MECOM: variants seen among roughly 807,000 people sequenced by gnomAD.
MECOM encodes the protein histone-lysine N-methyltransferase MECOM.
Under a neutral mutation model 116.3 loss-of-function variants are expected in MECOM, and 13 were observed. The observed-to-expected ratio is 0.11, with a 90% confidence interval of 0.07 to 0.18. The LOEUF (loss-of-function observed/expected upper bound fraction) is 0.18. Among genes scored for constraint, MECOM ranks in the 10% least tolerant of loss-of-function variants. MECOM has a pLI of 1.00. For missense variants in MECOM, 1,299 were observed against 1,509.0 expected (o/e 0.86, Z 2.31); for synonymous variants, 528 against 535.2 (o/e 0.99, Z 0.19).
chr3:169,452,272 C>T (rs1745741200), intron 1 of MECOM, among the ~76,000 whole-genome samples: 1 of 152,016 alleles, frequency 6.6e-6, no homozygotes, highest in South Asian at 2.1e-4. Context: ...TTAGGAAACA[C>T]ACGCCTTTCC....
At chr3:169,368,121 A>G (rs576403774) in intron 2 of MECOM, among the ~76,000 whole-genome samples, 3 of 152,180 alleles carry the variant, frequency 2.0e-5, no homozygotes, top group Non-Finnish European at 4.4e-5. Context: ...ATGATAGTTG[A>G]CCAATTCTTG....
chr3:169,543,555 C>T (rs1232258886), intron 1 of MECOM, among the ~76,000 whole-genome samples: 1 of 152,136 alleles, frequency 6.6e-6, no homozygotes, highest in Admixed American at 6.5e-5. Flanking sequence ...CTCTGGGTGA[C>T]AGAGCAAGAC....
At chr3:169,358,250 T>C (rs568344574) in intron 2 of MECOM, among the ~76,000 whole-genome samples, 2 of 151,876 alleles carry the variant, frequency 1.3e-5, no homozygotes, top group South Asian at 2.1e-4. Context: ...GTCAGCTGTT[T>C]ATTATTTTTA....
intron 1 of MECOM, among the ~76,000 whole-genome samples, chr3:169,387,055 T>C (rs1733454271): frequency 6.6e-6 from 1 of 152,208 alleles, no homozygotes; most frequent in African/African-American, 2.4e-5. Context: ...AATTTCCTAG[T>C]AGACAATTTG....
At chr3:169,247,123 T>C (rs1043464883) in intron 2 of MECOM, among the ~76,000 whole-genome samples, 1 of 152,132 alleles carries the variant, frequency 6.6e-6, no homozygotes, top group Non-Finnish European at 1.5e-5. Context: ...TTAAACCTTC[T>C]GTGTTGCAAA....
intron 1 of MECOM, among the ~76,000 whole-genome samples, chr3:169,531,647 C>T (rs929295715): frequency 6.6e-6 from 1 of 152,200 alleles, no homozygotes; most frequent in Non-Finnish European, 1.5e-5. Context: ...TGCCACCTCT[C>T]ATTTTCTGCT....
chr3:169,392,708 A>C (rs1203254928), intron 1 of MECOM, among the ~76,000 whole-genome samples: 4 of 152,198 alleles, frequency 2.6e-5, no homozygotes, highest in Non-Finnish European at 5.9e-5. Context: ...GTTGAGTATA[A>C]GTAATTCTGC....
intron 2 of MECOM, among the ~76,000 whole-genome samples, chr3:169,237,946 G>A (rs897137170): frequency 4.6e-5 from 7 of 152,014 alleles, no homozygotes; most frequent in African/African-American, 1.7e-4. Flanking sequence ...GGAAGTCCAG[G>A]CAGGTGGATC....
chr3:169,310,216 A>T (rs1188768452), intron 2 of MECOM, among the ~76,000 whole-genome samples: 1 of 152,154 alleles, frequency 6.6e-6, no homozygotes, highest in East Asian at 1.9e-4. Context: ...TTCACATTTC[A>T]CATATTCGTA....
chr3:169,150,016 C>T (rs924625040), intron 2 of MECOM, among the ~76,000 whole-genome samples: 1 of 151,120 alleles, frequency 6.6e-6, no homozygotes, highest in African/African-American at 2.4e-5. Context: ...TCCCTCCCCT[C>T]TCCCCCACCC....
At chr3:169,589,913 G>A (rs915598734) in intron 1 of MECOM, among the ~76,000 whole-genome samples, 1 of 152,164 alleles carries the variant, frequency 6.6e-6, no homozygotes, top group African/African-American at 2.4e-5. Flanking sequence ...CAACAATTTT[G>A]TCACAAAAGA....
chr3:169,286,411 G>A (rs76480839), intron 2 of MECOM, among the ~76,000 whole-genome samples: 3,721 of 152,124 alleles, frequency 0.024, 104 homozygotes, highest in East Asian at 0.13. Flanking sequence ...ACTTATCCTC[G>A]ATGCAGAGCC....
intron 1 of MECOM, among the ~76,000 whole-genome samples, chr3:169,510,235 G>T (rs779801758): frequency 2.6e-5 from 4 of 152,180 alleles, no homozygotes; most frequent in Non-Finnish European, 4.4e-5. Flanking sequence ...TGATTGGGAT[G>T]TGAAGGGTCG....
At chr3:169,431,042 T>A (rs73172091) in intron 1 of MECOM, among the ~76,000 whole-genome samples, 27,781 of 152,210 alleles carry the variant, frequency 0.18, 3,097 homozygotes, top group Non-Finnish European at 0.25. Context: ...TCAGTCACTG[T>A]CTTTATATAT....
chr3:169,602,131 A>C (rs1452616684), intron 1 of MECOM, among the ~76,000 whole-genome samples: 1 of 152,246 alleles, frequency 6.6e-6, no homozygotes, highest in African/African-American at 2.4e-5. Context: ...CATTAGAAAC[A>C]GAGATATACT....
intron 2 of MECOM, among the ~76,000 whole-genome samples, chr3:169,197,763 G>A (rs370253318): frequency 7.9e-5 from 12 of 152,082 alleles, no homozygotes; most frequent in African/African-American, 2.6e-4. Context: ...TAAAGAATAA[G>A]GGTTAAAGAT....
At chr3:169,596,334 A>G (rs554239778) in intron 1 of MECOM, among the ~76,000 whole-genome samples, 27 of 152,218 alleles carry the variant, frequency 1.8e-4, no homozygotes, top group African/African-American at 6.5e-4. Context: ...GAAGGAAGAC[A>G]GCTGTAGCCC....
At chr3:169,322,997 TAAAAAAAAAAAA>T (rs748984561) in intron 2 of MECOM, among the ~76,000 whole-genome samples, 1,305 of 56,054 alleles carry the variant, frequency 0.023, 35 homozygotes, top group African/African-American at 0.086. Context: ...AAGACTCCGG[TAAAAAAAAAAAA>T]AAAAAAAAAA....
At chr3:169,157,172 TA>T (rs1742126556) in intron 2 of MECOM, among the ~76,000 whole-genome samples, 1 of 152,158 alleles carries the variant, frequency 6.6e-6, no homozygotes, top group Non-Finnish European at 1.5e-5. Context: ...AAAGTACACC[TA>T]AAAAGGTGTA....
Sources: gnomAD v4.1 joint callset for allele counts (sites outside exome capture counted in the v4.1 genomes callset) on GRCh38, gnomAD v4.1.1 for gene constraint, MANE v1.5 for transcripts, NCBI Gene and HGNC (gene_info 2026-07-23, HGNC 2026-07-21) for gene names.